Variants in PTPRD observed in about 807,000 individuals in gnomAD.
PTPRD encodes the protein protein tyrosine phosphatase receptor type D, also known as receptor-type tyrosine-protein phosphatase delta.
PTPRD carries 34 observed loss-of-function variants against 214.5 expected under a neutral mutation model. The observed-to-expected ratio is 0.16, with a 90% confidence interval of 0.12 to 0.21. The LOEUF is 0.21. Among genes scored for constraint, PTPRD ranks in the 10% least tolerant of loss-of-function variants. PTPRD has a pLI of 1.00. For missense variants in PTPRD, 2,545 were observed against 2,398.7 expected (o/e 1.06, Z -1.27); for synonymous variants, 1,128 against 845.7 (o/e 1.33, Z -5.79).
At chr9:10,015,898 C>T (rs548636252) in intron 4 of PTPRD, among the ~76,000 whole-genome samples, 48 of 152,252 alleles carry the variant, frequency 3.2e-4, no homozygotes, top group Non-Finnish European at 1.2e-4. Context: ...TACTGCTCTC[C>T]TGATCTTAAG....
At chr9:8,598,942 A>G (rs539693138) in intron 14 of PTPRD, among the ~76,000 whole-genome samples, 30 of 152,278 alleles carry the variant, frequency 2.0e-4, no homozygotes, top group South Asian at 6.2e-4. Flanking sequence ...ACAAAGGTTG[A>G]ACTTTAACTG....
chr9:9,631,118 C>T (rs781345434), intron 7 of PTPRD, among the ~76,000 whole-genome samples: 1 of 151,454 alleles, frequency 6.6e-6, no homozygotes, highest in South Asian at 2.1e-4. Context: ...GGATTTAATC[C>T]TCAGTTCTGC....
intron 3 of PTPRD, among the ~76,000 whole-genome samples, chr9:10,125,073 T>A (rs2098805509): frequency 6.6e-6 from 1 of 152,220 alleles, no homozygotes; most frequent in South Asian, 2.1e-4. Flanking sequence ...TCTGTTAGCC[T>A]ATCTCAAGAA....
intron 35 of PTPRD, among the ~76,000 whole-genome samples, chr9:8,407,506 G>A (rs2130794866): frequency 6.6e-6 from 1 of 152,222 alleles, no homozygotes; most frequent in Admixed American, 6.5e-5. Flanking sequence ...TTAACAGCTG[G>A]TAACGACTAA....
At chr9:9,283,686 T>A (rs1948499472) in intron 9 of PTPRD, among the ~76,000 whole-genome samples, 1 of 151,480 alleles carries the variant, frequency 6.6e-6, no homozygotes, top group Non-Finnish European at 1.5e-5. Context: ...AAAAGTTGAC[T>A]GGGGCTGGAA....
intron 6 of PTPRD, among the ~76,000 whole-genome samples, chr9:9,760,223 CT>C (rs1007399271): frequency 2.0e-5 from 3 of 151,534 alleles, no homozygotes; most frequent in Non-Finnish European, 3.0e-5. Flanking sequence ...AATACATCTA[CT>C]TTTTTTTTGT....
intron 7 of PTPRD, among the ~76,000 whole-genome samples, chr9:9,596,075 T>C (rs939156702): frequency 1.3e-5 from 2 of 152,162 alleles, no homozygotes; most frequent in South Asian, 2.1e-4. Context: ...AATCAAAATA[T>C]ATTCACTTAG....
At position 10,388,594 on chromosome 9, in the gene PTPRD, T is replaced by C. The variant is rs531634723; in HGVS notation, c.-599-47577A>G. Among the ~76,000 whole-genome samples, 26 of 151,902 alleles carry C rather than the reference T, an allele frequency of 1.7e-4. 1 individual carries two copies. The South Asian group carries it at 5.0e-3, about 29-fold the overall frequency. ...TATAGTTAGAAATTAAAATATTATA[T>C]TGAATTTATCTTTGACAAATAACAT... On this transcript the variant is annotated intron_variant, in intron 2 of 45. Coordinates refer to ENST00000381196, the MANE Select transcript of PTPRD (RefSeq NM_002839.4).
intron 5 of PTPRD, among the ~76,000 whole-genome samples, chr9:9,835,624 G>A (rs1447092403): frequency 2.0e-5 from 3 of 152,086 alleles, no homozygotes; most frequent in African/African-American, 7.2e-5. Context: ...GCCTGCACTG[G>A]AATTTGACAG....
chr9:10,469,066 T>C (rs2099013321), intron 2 of PTPRD, among the ~76,000 whole-genome samples: 1 of 152,130 alleles, frequency 6.6e-6, no homozygotes, highest in African/African-American at 2.4e-5. Flanking sequence ...TCTTTAAAGA[T>C]AGGTATATAG....
At chr9:9,681,274 T>C (rs372801646) in intron 7 of PTPRD, among the ~76,000 whole-genome samples, 108 of 151,818 alleles carry the variant, frequency 7.1e-4, no homozygotes, top group African/African-American at 2.6e-3. Flanking sequence ...GTTTCCTTGG[T>C]GGACAGATTG....
intron 8 of PTPRD, among the ~76,000 whole-genome samples, chr9:9,420,891 A>G (rs985570253): frequency 6.6e-6 from 1 of 151,954 alleles, no homozygotes. Flanking sequence ...TAATTTGTTA[A>G]AATATTTGAC....
At chr9:9,063,571 T>C (rs1250300640) in intron 10 of PTPRD, among the ~76,000 whole-genome samples, 2 of 152,180 alleles carry the variant, frequency 1.3e-5, no homozygotes, top group Non-Finnish European at 2.9e-5. Context: ...TCCTCTAATA[T>C]AATTTAGGCT....
chr9:10,231,807 A>T (rs568347188), intron 3 of PTPRD, among the ~76,000 whole-genome samples: 1 of 151,748 alleles, frequency 6.6e-6, no homozygotes, highest in Admixed American at 6.6e-5. Context: ...GTGATTCCCA[A>T]TGTGGTGGTA....
At chr9:8,417,333 TA>T (rs2131370610) in intron 35 of PTPRD, among the ~76,000 whole-genome samples, 1 of 152,166 alleles carries the variant, frequency 6.6e-6, no homozygotes, top group African/African-American at 2.4e-5. Context: ...TCACACACCA[TA>T]AATTCTGCGG....
intron 9 of PTPRD, among the ~76,000 whole-genome samples, chr9:9,382,727 T>G (rs1596784613): frequency 6.6e-6 from 1 of 152,068 alleles, no homozygotes; most frequent in East Asian, 1.9e-4. Flanking sequence ...GTACAGCTAT[T>G]ATGAAAAACA....
chr9:8,376,785 G>C, intron 37 of PTPRD, 59 bp from the exon 38 acceptor site: 1 of 1,597,812 alleles, frequency 6.3e-7, no homozygotes, highest in African/African-American at 1.3e-5. Context: ...TATTAACTTT[G>C]CTTTGAGTTG....
Position 10,050,559 on chromosome 9 carries a change from C to CAAAAA in PTPRD, c.-544-16774_-544-16770dup, listed in dbSNP as rs1164243746. On this transcript the variant is annotated intron_variant, in intron 3 of 45. Coordinates refer to ENST00000381196, the MANE Select transcript of PTPRD (RefSeq NM_002839.4). Reference sequence around the variant, plus strand: ...TGGGCAATAAAGAGAGAGTCTGTCTCAAAAAAAAAAAAAAAAAAAAAAAAA... The same window carrying CAAAAA: ...TGGGCAATAAAGAGAGAGTCTGTCTCAAAAAAAAAAAAAAAAAAAAAAAAAAAAAA... Among the ~76,000 whole-genome samples, 59 of 14,002 alleles carry CAAAAA rather than the reference C, an allele frequency of 4.2e-3. 8 individuals are homozygous for CAAAAA. Among genetic ancestry groups the CAAAAA allele is most frequent in the South Asian group, 0.013 (3 of 232 alleles). The allele number at this position is 14,002 out of a possible 152,430, so 9.2% of individuals were successfully genotyped here.
intron 9 of PTPRD, among the ~76,000 whole-genome samples, chr9:9,203,982 A>G (rs961306424): frequency 1.3e-5 from 2 of 152,192 alleles, no homozygotes; most frequent in Admixed American, 6.5e-5. Flanking sequence ...TAGGCACAAT[A>G]TATCTCTGAT....
Sources: gnomAD v4.1 joint callset for allele counts (sites outside exome capture counted in the v4.1 genomes callset) on GRCh38, gnomAD v4.1.1 for gene constraint, MANE v1.5 for transcripts, NCBI Gene and HGNC (gene_info 2026-07-23, HGNC 2026-07-21) for gene names.